The following NEK6 variants were observed in gnomAD, a reference collection of about 807,000 sequenced individuals.
NEK6 encodes NIMA related kinase 6, also known as serine/threonine-protein kinase Nek6.
Under a neutral mutation model 43.5 loss-of-function variants are expected in NEK6, and 27 were observed. The ratio of observed to expected loss-of-function variants is 0.62; its 90% CI spans 0.46 to 0.86. The LOEUF (loss-of-function observed/expected upper bound fraction) is 0.86. NEK6 is among the 40% of genes least tolerant of loss of function. NEK6 has a pLI of 0.00. For missense variants in NEK6, 318 were observed against 414.4 expected (o/e 0.77, Z 2.02); for synonymous variants, 167 against 164.1 (o/e 1.02, Z -0.14).
chr9:124,293,073 G>T (rs117671396), intron 1 of NEK6: 5 of 1,417,904 alleles, frequency 3.5e-6, no homozygotes, highest in Non-Finnish European at 4.6e-6. Context: ...GCCTGCTAGC[G>T]GGCCTGGGAC....
upstream of NEK6, chr9:124,257,841 GCGCCCCC>G (rs896688036): frequency 4.5e-6 from 5 of 1,106,986 alleles, no homozygotes; most frequent in African/African-American, 8.2e-5. Flanking sequence ...CGCCGCCGGG[GCGCCCCC>G]CGCCCCTCAA....
intron 1 of NEK6, among the ~76,000 whole-genome samples, chr9:124,280,582 G>T (rs754187735): frequency 2.0e-5 from 3 of 152,180 alleles, no homozygotes; most frequent in Non-Finnish European, 2.9e-5. Flanking sequence ...TGGGTGTGAC[G>T]TTTTCCAAGC....
In NEK6 at chr9:124,289,376, C is replaced by G. The variant is rs549342203; in HGVS notation, c.-29-12560C>G. Reference sequence around the variant, plus strand: ...CCTGAGTCTCAGTTTCCTCATCTGTCAAATGGATACACTGTCTGCCTTCCA... The same window carrying G: ...CCTGAGTCTCAGTTTCCTCATCTGTGAAATGGATACACTGTCTGCCTTCCA... On this transcript the variant is annotated intron_variant, in intron 1 of 9. Transcript: ENST00000320246. 3.3e-5 allele frequency among the ~76,000 whole-genome samples: 5 copies of G among 152,182 alleles called. No individual in the cohort carries two copies. The South Asian group carries it at 1.0e-3, about 32-fold the overall frequency.
intron 2 of NEK6, among the ~76,000 whole-genome samples, chr9:124,305,375 GA>G (rs1477356318): frequency 6.6e-6 from 1 of 152,084 alleles, no homozygotes; most frequent in Non-Finnish European, 1.5e-5. Flanking sequence ...GCAACATGGT[GA>G]AACCCTGTCT....
chr9:124,285,178 A>G (rs985615180), intron 1 of NEK6, among the ~76,000 whole-genome samples: 6 of 152,156 alleles, frequency 3.9e-5, no homozygotes, highest in African/African-American at 1.4e-4. Context: ...GTCGAGGCAT[A>G]TTTTACAGGC....
At chr9:124,349,604 A>G (rs1014765810) in intron 9 of NEK6, among the ~76,000 whole-genome samples, 1 of 152,196 alleles carries the variant, frequency 6.6e-6, no homozygotes, top group Non-Finnish European at 1.5e-5. Flanking sequence ...AGACACTTTT[A>G]TTATTTTTCT....
At chr9:124,307,981 G>T (rs188126265) in intron 2 of NEK6, among the ~76,000 whole-genome samples, 42 of 152,346 alleles carry the variant, frequency 2.8e-4, no homozygotes, top group Non-Finnish European at 5.6e-4. Context: ...CCATTCGACA[G>T]ATAGCAGCAC....
At chr9:124,265,417 G>A (rs1588434492) in intron 1 of NEK6, among the ~76,000 whole-genome samples, 2 of 152,112 alleles carry the variant, frequency 1.3e-5, no homozygotes, top group East Asian at 3.8e-4. Flanking sequence ...AGCTACTCAG[G>A]AGGCTGAGGC....
intron 2 of NEK6, among the ~76,000 whole-genome samples, chr9:124,311,598 A>G (rs1056508237): frequency 9.2e-5 from 14 of 152,070 alleles, no homozygotes; most frequent in Admixed American, 4.6e-4. Context: ...ATGTGTTCCA[A>G]TGCTGGCCCC....
intron 1 of NEK6, among the ~76,000 whole-genome samples, chr9:124,284,766 A>G (rs1832078148): frequency 6.6e-6 from 1 of 152,058 alleles, no homozygotes; most frequent in Non-Finnish European, 1.5e-5. Context: ...CTGCTCTTGC[A>G]TGTCTGGTGG....
At chr9:124,285,726 G>T (rs969357837) in intron 1 of NEK6, among the ~76,000 whole-genome samples, 1 of 152,116 alleles carries the variant, frequency 6.6e-6, no homozygotes, top group African/African-American at 2.4e-5. Flanking sequence ...AGGGCCGGCC[G>T]CAGGCAGGAG....
chr9:124,320,313 C>G (rs1015875049), intron 4 of NEK6, among the ~76,000 whole-genome samples: 15 of 152,342 alleles, frequency 9.8e-5, no homozygotes, highest in Admixed American at 7.2e-4. Context: ...TGAGCCTGCT[C>G]TGGCCCCCAG....
intron 7 of NEK6, among the ~76,000 whole-genome samples, chr9:124,330,282 C>T (rs988256923): frequency 6.6e-6 from 1 of 152,216 alleles, no homozygotes; most frequent in African/African-American, 2.4e-5. Context: ...GGAAGGATTG[C>T]ATACATAAAA....
chr9:124,350,917 G>T lies in NEK6; in HGVS notation c.912G>T (p.Lys304Asn). ...TCGGATACGTGCACCAGGTGGCCAA[G>T]CAGATGCACATCTGGATGTCCAGCA... Reference protein sequence around the residue: ...PDIGYVHQVAKQMHIWMSST With the variant: ...PDIGYVHQVANQMHIWMSST The change falls in exon 10 of 10, where the codon AAG (lysine) becomes AAT (asparagine). Residue 304 changes from lysine (K) to asparagine (N), a missense_variant. Around this residue, in one of 2 missense-constraint regions of NEK6, gnomAD observed 79 missense variants for 70.0 expected, o/e 1.13. Transcript: ENST00000320246. 1 of 1,610,626 alleles carries T rather than the reference G, an allele frequency of 6.2e-7. No individual in the cohort carries two copies. Among genetic ancestry groups the T allele is most frequent in the Non-Finnish European group, 8.5e-7 (1 of 1,179,836 alleles).
At chr9:124,337,893 A>G (rs569918499) in intron 7 of NEK6, among the ~76,000 whole-genome samples, 2 of 152,354 alleles carry the variant, frequency 1.3e-5, no homozygotes, top group Admixed American at 1.3e-4. Flanking sequence ...TCCACACATC[A>G]TCGACCTTGT....
At chr9:124,314,187 C>G (rs1833699550) in intron 4 of NEK6, among the ~76,000 whole-genome samples, 1 of 152,150 alleles carries the variant, frequency 6.6e-6, no homozygotes, top group African/African-American at 2.4e-5. Context: ...TCGCTCTGCC[C>G]AGCCCTTGGG....
At chr9:124,276,932 T>C (rs1831673311) in intron 1 of NEK6, among the ~76,000 whole-genome samples, 1 of 152,098 alleles carries the variant, frequency 6.6e-6, no homozygotes, top group Admixed American at 6.5e-5. Flanking sequence ...CAAGGGGTCT[T>C]AGGTGCTAAG....
In NEK6 at chr9:124,328,814, G is replaced by A. The variant is rs369942078; in HGVS notation, c.622+1369G>A. Among the ~76,000 whole-genome samples, 81 of 152,326 alleles carry A rather than the reference G, an allele frequency of 5.3e-4. 1 individual carries two copies. The highest frequency in any genetic ancestry group is 2.4e-3 in the Admixed American group (36 of 15,310). On this transcript the variant is annotated intron_variant, in intron 7 of 9. Coordinates refer to ENST00000320246, the MANE Select transcript of NEK6 (RefSeq NM_014397.6). ...GCTGATGGAGCCAGCGGGGCTGGCGGGGAGGGGGTTGTTTTGAAACTCTTG... is the reference window on the plus strand; with the variant it reads ...GCTGATGGAGCCAGCGGGGCTGGCGAGGAGGGGGTTGTTTTGAAACTCTTG...
chr9:124,297,114 G>A (rs765791415), intron 1 of NEK6, among the ~76,000 whole-genome samples: 2 of 152,200 alleles, frequency 1.3e-5, no homozygotes, highest in African/African-American at 2.4e-5. Context: ...GCCATGCTGC[G>A]TAGGACATAG....
Sources: gnomAD v4.1 joint callset for allele counts (sites outside exome capture counted in the v4.1 genomes callset) on GRCh38, gnomAD v4.1.1 for gene constraint, gnomAD v4.1.1 regional missense constraint, MANE v1.5 for transcripts, NCBI Gene and HGNC (gene_info 2026-07-23, HGNC 2026-07-21) for gene names.